Variants in ASTN2 observed in about 807,000 individuals in gnomAD.
ASTN2 encodes astrotactin-2.
In ASTN2, 54 loss-of-function variants were observed where a neutral mutation model predicts 139.8. The observed-to-expected ratio is 0.39, with a 90% CI of 0.31 to 0.48. The LOEUF is 0.48. ASTN2 is among the 20% of genes least tolerant of loss of function. The pLI, the probability that ASTN2 is intolerant of heterozygous loss-of-function variation, is 0.95. For synonymous variants in ASTN2, 756 were observed against 719.5 expected (o/e 1.05, Z -0.81); for missense variants, 1,565 against 1,725.1 (o/e 0.91, Z 1.64).
intron 3 of ASTN2, among the ~76,000 whole-genome samples, chr9:117,191,471 A>G (rs959586589): frequency 3.3e-5 from 5 of 152,222 alleles, no homozygotes; most frequent in African/African-American, 9.6e-5. Context: ...TTTACTTTCA[A>G]GTGTTCACTA....
chr9:117,070,664 GGTCTTTTCACATA>G (rs2132707332), intron 5 of ASTN2, among the ~76,000 whole-genome samples: 1 of 145,776 alleles, frequency 6.9e-6, no homozygotes, highest in East Asian at 2.0e-4. Context: ...ACGTAGATTT[GGTCTTTTCACATA>G]GTCCCATATT....
intron 11 of ASTN2, among the ~76,000 whole-genome samples, chr9:116,860,283 G>A (rs142914043): frequency 1.5e-4 from 23 of 152,244 alleles, no homozygotes; most frequent in East Asian, 1.9e-4. Context: ...TTACAGAAAC[G>A]TAATAGAACA....
At chr9:116,685,530 ATC>A (rs1262278311) in intron 16 of ASTN2, among the ~76,000 whole-genome samples, 1 of 152,214 alleles carries the variant, frequency 6.6e-6, no homozygotes, top group Non-Finnish European at 1.5e-5. Flanking sequence ...TTAAATAAAA[ATC>A]TGTTACATTA....
chr9:116,637,167 A>C (rs1857114682), intron 17 of ASTN2, among the ~76,000 whole-genome samples: 1 of 152,212 alleles, frequency 6.6e-6, no homozygotes, highest in Non-Finnish European at 1.5e-5. Context: ...GAAATGGACT[A>C]AGGTAGAGTC....
chr9:116,674,036 G>A lies in ASTN2; in HGVS notation c.2807-22243C>T, dbSNP rs533652990. On this transcript the variant is annotated intron_variant, in intron 16 of 22. Coordinates refer to ENST00000313400, the MANE Select transcript of ASTN2 (RefSeq NM_001365068.1). ...TATAGTTTAAAGAAAAATGGTAACA[G>A]CTCTTTCCAAAGCAGACCTCCTTCT... Among the ~76,000 whole-genome samples, 6 of 152,326 alleles carry A rather than the reference G, an allele frequency of 3.9e-5. No individual in the cohort carries two copies. The South Asian group carries it at 1.2e-3, about 32-fold the overall frequency.
Position 117,096,159 on chromosome 9 carries a change from T to A in ASTN2, c.1169-8A>T. 6.2e-7 allele frequency: 1 copy of A among 1,611,532 alleles called. No homozygotes were observed. ...TCCCAAAGCTGATTCCTCCTGTGAG[T>A]AAGCACAGTCTATCAGTTAGTCTCC... On this transcript the variant is annotated splice_polypyrimidine_tract_variant and splice_region_variant and intron_variant, in intron 4 of 22. Transcript: ENST00000313400.
chr9:116,547,072 T>A (rs542900315), intron 19 of ASTN2, among the ~76,000 whole-genome samples: 1 of 152,328 alleles, frequency 6.6e-6, no homozygotes, highest in East Asian at 1.9e-4. Flanking sequence ...AAGTGTTTTA[T>A]AAACAGGTTC....
chr9:116,917,170 G>A (rs920999950), intron 10 of ASTN2, among the ~76,000 whole-genome samples: 2 of 152,112 alleles, frequency 1.3e-5, no homozygotes, highest in Non-Finnish European at 2.9e-5. Flanking sequence ...TGCTCATCCT[G>A]TAGATGTTAG....
chr9:116,983,729 C>T, intron 7 of ASTN2, among the ~76,000 whole-genome samples: 1 of 152,178 alleles, frequency 6.6e-6, no homozygotes, highest in East Asian at 1.9e-4. Flanking sequence ...AGAGCCAGGA[C>T]TTAAATAATC....
At chr9:116,876,562 G>A (rs548766196) in intron 10 of ASTN2, among the ~76,000 whole-genome samples, 1 of 152,258 alleles carries the variant, frequency 6.6e-6, no homozygotes, top group African/African-American at 2.4e-5. Context: ...TTTGTGAAAG[G>A]AAGAATCAGT....
intron 7 of ASTN2, among the ~76,000 whole-genome samples, chr9:117,005,963 C>T (rs1016920716): frequency 6.6e-6 from 1 of 152,116 alleles, no homozygotes; most frequent in Non-Finnish European, 1.5e-5. Context: ...AGTGCAGGCT[C>T]CCAGCACCAG....
rs200136505 is a variant in ASTN2 at position 117,213,585 on chromosome 9, TA to T, written c.1015+772del. Among the ~76,000 whole-genome samples the T allele has an allele frequency of 8.8e-4, 134 of 152,086 alleles. 1 individual carries two copies. The East Asian group carries it at 0.024, about 27-fold the overall frequency. ...TATGTACGAACATTATTTGTCAATA[TA>T]AAAAAACATAAAAGAAGTCTAATAT... On this transcript the variant is annotated intron_variant, in intron 3 of 22. Transcript: ENST00000313400.
intron 16 of ASTN2, among the ~76,000 whole-genome samples, chr9:116,670,996 G>T (rs1371890025): frequency 1.3e-5 from 2 of 152,020 alleles, no homozygotes; most frequent in East Asian, 3.9e-4. Flanking sequence ...GAAAAAAAAT[G>T]TATCTGCACA....
chr9:117,405,340 T>C (rs1383958545), intron 1 of ASTN2, among the ~76,000 whole-genome samples: 1 of 152,156 alleles, frequency 6.6e-6, no homozygotes, highest in Non-Finnish European at 1.5e-5. Context: ...CTTGGGTAGG[T>C]TCCTTCACTC....
intron 5 of ASTN2, among the ~76,000 whole-genome samples, chr9:117,078,255 G>A (rs1483137216): frequency 2.0e-5 from 3 of 152,134 alleles, no homozygotes; most frequent in Non-Finnish European, 4.4e-5. Context: ...CCAAAAAGAG[G>A]AAGAAAATTT....
At position 117,378,578 on chromosome 9, in the gene ASTN2, C is replaced by A. The variant is rs191308185; in HGVS notation, c.442+35919G>T. The stretch of plus-strand genomic sequence containing the variant: ...CTTTTCAACAAACACATATCCACTG[C>A]CCCCTTCTTGGGAAAAGGTGGGAGA... On this transcript the variant is annotated intron_variant, in intron 1 of 22. Transcript: ENST00000313400. 8.5e-5 allele frequency among the ~76,000 whole-genome samples: 13 copies of A among 152,292 alleles called. No homozygotes were observed. In the East Asian group the frequency reaches 2.5e-3, roughly 29 times the overall value.
intron 11 of ASTN2, among the ~76,000 whole-genome samples, chr9:116,848,145 C>T (rs1284993469): frequency 6.6e-6 from 1 of 152,176 alleles, no homozygotes; most frequent in African/African-American, 2.4e-5. Flanking sequence ...ATGAAATCTT[C>T]CCAACAACCC....
intron 13 of ASTN2, among the ~76,000 whole-genome samples, chr9:116,745,932 G>T (rs1460221475): frequency 1.3e-5 from 2 of 152,028 alleles, no homozygotes; most frequent in Non-Finnish European, 2.9e-5. Flanking sequence ...ATGGGATTCT[G>T]GGCTAACATC....
chr9:117,334,065 A>C (rs1219022727), intron 1 of ASTN2, among the ~76,000 whole-genome samples: 1 of 152,224 alleles, frequency 6.6e-6, no homozygotes, highest in Non-Finnish European at 1.5e-5. Context: ...TGGGCTTTGC[A>C]GATCATATGG....
Sources: allele counts gnomAD v4.1 joint callset (sites outside exome capture counted in the v4.1 genomes callset), GRCh38; gene constraint gnomAD v4.1.1; transcripts MANE v1.5; gene names NCBI Gene and HGNC (gene_info 2026-07-23, HGNC 2026-07-21).